Variants in KBTBD11 observed in about 807,000 individuals in gnomAD.
KBTBD11 encodes the protein kelch repeat and BTB domain-containing protein 11.
For synonymous variants in KBTBD11, 747 were observed against 499.0 expected (o/e 1.50, Z -6.63); for missense variants, 1,390 against 1,001.8 (o/e 1.39, Z -5.23).
chr8:1,978,601 C>T (rs577635970), intron 1 of KBTBD11, among the ~76,000 whole-genome samples: 1 of 152,340 alleles, frequency 6.6e-6, no homozygotes, highest in African/African-American at 2.4e-5. Flanking sequence ...GGTCACCTTT[C>T]TCACGAGGCG....
intron 1 of KBTBD11, among the ~76,000 whole-genome samples, chr8:1,989,116 A>G (rs1205765294): frequency 3.3e-5 from 5 of 152,140 alleles, no homozygotes; most frequent in Non-Finnish European, 7.3e-5. Context: ...CTCTCTCCAG[A>G]GCCTTGGTGC....
intron 1 of KBTBD11, among the ~76,000 whole-genome samples, chr8:1,980,063 G>A (rs145011187): frequency 2.1e-3 from 316 of 152,300 alleles, no homozygotes; most frequent in African/African-American, 7.3e-3. Flanking sequence ...TGAAAGTGCT[G>A]TGGGGTTTTG....
chr8:2,001,875 G>C lies in KBTBD11; in HGVS notation c.683G>C (p.Gly228Ala), dbSNP rs757548377. ...GCGCAGCGCGCCACCGACGCCGTGG[G>C]GCCGCAGCTGAGCCTGGCCAACTGC... is the stretch of plus-strand genomic sequence containing the variant. Reference protein sequence around the residue: ...GAAQRATDAVGPQLSLANCYE... With the variant: ...GAAQRATDAVAPQLSLANCYE... Residue 228 changes from glycine (G) to alanine (A), a missense_variant, in exon 2 of 2, where the codon GGG (glycine) becomes GCG (alanine). Physicochemically the swap from Gly to Ala is moderately conservative, Grantham distance 60. Transcript: ENST00000320248. 6.6e-4 allele frequency: 895 copies of C among 1,346,916 alleles called. 1 individual carries two copies. The highest frequency in any genetic ancestry group is 1.2e-3 in the Admixed American group (45 of 37,302). 83.4% of individuals were successfully genotyped at this position (1,346,916 alleles called of 1,614,324 possible). A position where few individuals can be genotyped will look rare whatever the true frequency, so the allele number is the denominator to read the frequency against.
At chr8:1,974,808 C>G (rs1230221929) in intron 1 of KBTBD11, 12 of 458,330 alleles carry the variant, frequency 2.6e-5, no homozygotes, top group Non-Finnish European at 3.4e-5. Flanking sequence ...ACGTTTCCCC[C>G]TCCACCCACT....
In KBTBD11 at chr8:1,974,324, C is replaced by CTG. The variant is rs1435645803; in HGVS notation, c.-909+389_-909+390insTG. On this transcript the variant is annotated intron_variant, in intron 1 of 1. Transcript: ENST00000320248. ...AGACAATGAGCCGCCCGCGCCGCGCCCGCAGTCACCGCCCCCGCCGAGGGT... is the reference window on the plus strand; with the variant it reads ...AGACAATGAGCCGCCCGCGCCGCGCCTGCGCAGTCACCGCCCCCGCCGAGGGT... 1.3e-5 allele frequency: 13 copies of CTG among 984,606 alleles called. No individual in the cohort carries two copies. In the African/African-American group the frequency reaches 1.9e-4, roughly 15 times the overall value. The allele number at this position is 984,606 out of a possible 1,614,324, so 61.0% of individuals were successfully genotyped here.
chr8:1,989,175 T>C (rs1816816966), intron 1 of KBTBD11, among the ~76,000 whole-genome samples: 2 of 152,332 alleles, frequency 1.3e-5, no homozygotes, highest in African/African-American at 4.8e-5. Context: ...GAATCAGTAA[T>C]TCTTGAGTCG....
At chr8:1,979,501 G>A (rs182796587) in intron 1 of KBTBD11, among the ~76,000 whole-genome samples, 2 of 152,250 alleles carry the variant, frequency 1.3e-5, no homozygotes, top group East Asian at 1.9e-4. Context: ...GTGGTGGCAC[G>A]CACTTGTGAT....
intron 1 of KBTBD11, among the ~76,000 whole-genome samples, chr8:1,977,443 T>A (rs372395772): frequency 6.6e-6 from 1 of 152,178 alleles, no homozygotes; most frequent in African/African-American, 2.4e-5. Flanking sequence ...ATGCTTGGAC[T>A]CCTGCAGTAG....
intron 1 of KBTBD11, chr8:1,976,623 A>G (rs1816354350): frequency 6.7e-6 from 1 of 149,196 alleles, no homozygotes; most frequent in African/African-American, 2.5e-5. Flanking sequence ...TACAGTTGTA[A>G]GTAAAGTCAG....
Position 2,002,687 on chromosome 8 carries a change from G to C in KBTBD11, c.1495G>C (p.Asp499His), listed in dbSNP as rs1188053258. ...GCGCTCGGCCGACATGGTGGCTCTC[G>C]ACGGCTTCATCTACCGCTTCGATCT... ...RERSADMVAL[D>H]GFIYRFDLSG... Residue 499 changes from aspartate to histidine, a missense_variant, in exon 2 of 2, where the codon GAC becomes CAC. Coordinates refer to ENST00000320248, the MANE Select transcript of KBTBD11 (RefSeq NM_014867.3). This position sits in a 1 kb window ranked among gnomAD's most constrained non-coding sequence, Gnocchi z 4.1. The C allele has an allele frequency of 5.1e-6, 8 of 1,559,032 alleles. No homozygotes were observed. The highest frequency in any genetic ancestry group is 5.2e-6 in the Non-Finnish European group (6 of 1,161,650).
chr8:1,999,477 C>CT (rs1459752976), intron 1 of KBTBD11, among the ~76,000 whole-genome samples: 7 of 152,150 alleles, frequency 4.6e-5, no homozygotes, highest in South Asian at 2.1e-4. Flanking sequence ...CTCTAAGACT[C>CT]TAAGTTTCTT....
intron 1 of KBTBD11, chr8:1,974,254 G>A: frequency 1.0e-6 from 1 of 971,562 alleles, no homozygotes; most frequent in Non-Finnish European, 1.2e-6. Flanking sequence ...CCTCCTCGCG[G>A]GGTCTCCACA....
intron 1 of KBTBD11, among the ~76,000 whole-genome samples, chr8:1,978,897 C>G (rs967356215): frequency 1.3e-5 from 2 of 152,186 alleles, no homozygotes; most frequent in Admixed American, 6.5e-5. Context: ...GAAAGTGCCT[C>G]CCTGGGTTCC....
intron 1 of KBTBD11, among the ~76,000 whole-genome samples, chr8:1,989,060 T>G (rs978001799): frequency 5.3e-5 from 8 of 152,036 alleles, no homozygotes; most frequent in African/African-American, 1.9e-4. Flanking sequence ...TTGCTCAGAG[T>G]TGGGTTTCAG....
In KBTBD11 at chr8:2,002,893, C is replaced by G; in HGVS notation, c.1701C>G (p.Arg567=). ...ACGGCGCCATCTACTGCGTGAGCCG[C>G]GCGGGCACCTGGCGCTTCCAGCCTG... The part of the protein sequence containing the change: ...ALDGAIYCVS[R]AGTWRFQPAR... Residue 567 remains arginine (R), a synonymous_variant, in exon 2 of 2, where the codon CGC becomes CGG. Coordinates refer to ENST00000320248, the MANE Select transcript of KBTBD11 (RefSeq NM_014867.3). This position sits in a 1 kb window ranked among gnomAD's most constrained non-coding sequence, Gnocchi z 4.1. 1 of 1,322,454 alleles carries G rather than the reference C, an allele frequency of 7.6e-7. No homozygotes were observed. Among genetic ancestry groups the G allele is most frequent in the Non-Finnish European group, 9.6e-7 (1 of 1,040,334 alleles). 81.9% of individuals were successfully genotyped at this position (1,322,454 alleles called of 1,614,324 possible).
chr8:1,987,480 G>A (rs939511135), intron 1 of KBTBD11, among the ~76,000 whole-genome samples: 15 of 151,958 alleles, frequency 9.9e-5, no homozygotes, highest in Admixed American at 7.2e-4. Context: ...TTCTTTAAAC[G>A]CCGTCAGCAG....
chr8:2,001,272 C>T lies in KBTBD11; in HGVS notation c.80C>T (p.Ala27Val). Residue 27 changes from alanine to valine, a missense_variant, in exon 2 of 2, where the codon GCC (alanine) becomes GTC (valine). By Grantham distance (64) the Ala-to-Val change is moderately conservative. Transcript: ENST00000320248. ...GCCGGGGAGAGCGAGAGCGAGGGCG[C>T]CGCGTCCCCGGCGCAGACACCCTGC... Reference protein sequence around the residue: ...GAAGESESEGAASPAQTPCSL... With the variant: ...GAAGESESEGVASPAQTPCSL... 4 of 1,518,008 alleles carry T rather than the reference C, an allele frequency of 2.6e-6. No homozygotes were observed. The highest frequency in any genetic ancestry group is 3.9e-5 in the Admixed American group (2 of 51,000). The allele number at this position is 1,518,008 out of a possible 1,614,324, so 94.0% of individuals were successfully genotyped here.
chr8:2,005,352 A>C lies in KBTBD11; in HGVS notation c.*2288A>C, dbSNP rs997129683. 2 of 167,142 alleles carry C rather than the reference A, an allele frequency of 1.2e-5. No homozygotes were observed. The highest frequency in any genetic ancestry group is 2.4e-5 in the African/African-American group (1 of 41,470). 10.4% of individuals were successfully genotyped at this position (167,142 alleles called of 1,614,324 possible). On this transcript the variant is annotated 3_prime_UTR_variant, in exon 2 of 2. Coordinates refer to ENST00000320248, the MANE Select transcript of KBTBD11 (RefSeq NM_014867.3). ...AAATTTATAGAATAGTATACACCAC[A>C]GTTCTGAATAGTGATATCACATAAA...
Position 1,998,592 on chromosome 8 carries a change from G to A in KBTBD11, c.-908-1693G>A, listed in dbSNP as rs372462836. Among the ~76,000 whole-genome samples, 10 of 152,260 alleles carry A rather than the reference G, an allele frequency of 6.6e-5. No individual in the cohort carries two copies. The East Asian group carries it at 1.2e-3, about 18-fold the overall frequency. Reference sequence around the variant, plus strand: ...GCCAGAGAAAGAACTAGGGAGCTCCGAGAGCCCTTTCTAGGCCAAGAAGAA... The same window carrying A: ...GCCAGAGAAAGAACTAGGGAGCTCCAAGAGCCCTTTCTAGGCCAAGAAGAA... On this transcript the variant is annotated intron_variant, in intron 1 of 1. Coordinates refer to ENST00000320248, the MANE Select transcript of KBTBD11 (RefSeq NM_014867.3).
Sources: gnomAD v4.1 joint callset for allele counts (sites outside exome capture counted in the v4.1 genomes callset) on GRCh38, gnomAD v4.1.1 for gene constraint, Gnocchi (gnomAD v3.1) non-coding constraint, MANE v1.5 for transcripts, NCBI Gene and HGNC (gene_info 2026-07-23, HGNC 2026-07-21) for gene names.